Variants in ZSWIM6 observed in about 807,000 individuals in gnomAD.
ZSWIM6 encodes zinc finger SWIM domain-containing protein 6.
Under a neutral mutation model 113.2 loss-of-function variants are expected in ZSWIM6, and 9 were observed. The ratio of observed to expected loss-of-function variants is 0.08; its 90% CI spans 0.05 to 0.14. The LOEUF (loss-of-function observed/expected upper bound fraction) is 0.14. ZSWIM6 is among the 10% of genes least tolerant of loss of function. The pLI, the probability that ZSWIM6 is intolerant of heterozygous loss-of-function variation, is 1.00. For synonymous variants in ZSWIM6, 611 were observed against 606.5 expected (o/e 1.01, Z -0.11); for missense variants, 1,162 against 1,552.2 (o/e 0.75, Z 4.22).
At chr5:61,500,568 C>T (rs1748438766) in intron 4 of ZSWIM6, among the ~76,000 whole-genome samples, 1 of 152,124 alleles carries the variant, frequency 6.6e-6, no homozygotes, top group African/African-American at 2.4e-5. Flanking sequence ...CATGGTACCA[C>T]AATCCTGACT....
rs1745686712 is a variant in ZSWIM6 at position 61,390,600 on chromosome 5, T to C, written c.676+57652T>C. The C allele has an allele frequency of 7.7e-6, 5 of 653,346 alleles. No homozygotes were observed. In the East Asian group the frequency reaches 1.2e-4, roughly 16 times the overall value. The allele number at this position is 653,346 out of a possible 1,614,324, so 40.5% of individuals were successfully genotyped here. On this transcript the variant is annotated intron_variant, in intron 1 of 13. Coordinates refer to ENST00000252744, the MANE Select transcript of ZSWIM6 (RefSeq NM_020928.2). Reference sequence around the variant, plus strand: ...CATTGTCAGAATGCTATCTCAAAAATGGTATTTTTTTTTTCCAGTGGAAAA... The same window carrying C: ...CATTGTCAGAATGCTATCTCAAAAACGGTATTTTTTTTTTCCAGTGGAAAA...
chr5:61,507,988 T>C (rs550769826), intron 4 of ZSWIM6, among the ~76,000 whole-genome samples: 6 of 152,276 alleles, frequency 3.9e-5, no homozygotes, highest in Admixed American at 3.9e-4. Flanking sequence ...TTTAAGAATA[T>C]TGGTTTTAGG....
chr5:61,450,711 A>C (rs1042403773), intron 1 of ZSWIM6, among the ~76,000 whole-genome samples: 2 of 152,172 alleles, frequency 1.3e-5, no homozygotes, highest in Non-Finnish European at 2.9e-5. Context: ...CAAATTTGTG[A>C]GTAGTATACA....
At chr5:61,378,591 T>C (rs553756743) in intron 1 of ZSWIM6, among the ~76,000 whole-genome samples, 1 of 152,132 alleles carries the variant, frequency 6.6e-6, no homozygotes, top group African/African-American at 2.4e-5. Flanking sequence ...GTTTTGCTCT[T>C]GTTGCCCAGC....
intron 1 of ZSWIM6, among the ~76,000 whole-genome samples, chr5:61,397,846 A>G (rs1171458769): frequency 2.6e-5 from 4 of 152,144 alleles, no homozygotes; most frequent in Admixed American, 2.0e-4. Flanking sequence ...AGGGAACAGA[A>G]AAGGAGTTTG....
At chr5:61,529,337 A>G (rs1295189126) in intron 7 of ZSWIM6, among the ~76,000 whole-genome samples, 1 of 152,264 alleles carries the variant, frequency 6.6e-6, no homozygotes, top group African/African-American at 2.4e-5. Context: ...CTGCGGTTTA[A>G]CTTGAAAGCA....
At chr5:61,476,610 G>A (rs1747712246) in intron 2 of ZSWIM6, among the ~76,000 whole-genome samples, 1 of 152,114 alleles carries the variant, frequency 6.6e-6, no homozygotes, top group Admixed American at 6.5e-5. Context: ...AAAATTGTTT[G>A]CTCTTGGTTT....
intron 4 of ZSWIM6, among the ~76,000 whole-genome samples, chr5:61,511,500 G>A (rs1012748760): frequency 3.3e-5 from 5 of 152,108 alleles, no homozygotes; most frequent in Non-Finnish European, 5.9e-5. Context: ...TAACCCCAAG[G>A]TGATGGCATT....
intron 3 of ZSWIM6, among the ~76,000 whole-genome samples, chr5:61,491,946 C>T (rs796776016): frequency 3.7e-4 from 56 of 151,986 alleles, no homozygotes; most frequent in African/African-American, 1.2e-3. Context: ...CAAATTTCCC[C>T]AGAATTAGAT....
chr5:61,444,520 C>T (rs1242600856), intron 1 of ZSWIM6, among the ~76,000 whole-genome samples: 2 of 152,066 alleles, frequency 1.3e-5, no homozygotes, highest in African/African-American at 4.8e-5. Flanking sequence ...GAGAAATCGC[C>T]ACACTGACTT....
At position 61,544,351 on chromosome 5, in the gene ZSWIM6, T is replaced by TG; in HGVS notation, c.*37dup. On this transcript the variant is annotated 3_prime_UTR_variant, in exon 14 of 14. Coordinates refer to ENST00000252744, the MANE Select transcript of ZSWIM6 (RefSeq NM_020928.2). The stretch of plus-strand genomic sequence containing the variant: ...GTATGAATGGGGTGGGGGGTGGGGA[T>TG]GGGAGGGATGGTTTGTTTTTACTTG... 1 of 340,048 alleles carries TG rather than the reference T, an allele frequency of 2.9e-6. No individual in the cohort carries two copies. The highest frequency in any genetic ancestry group is 6.0e-6 in the Non-Finnish European group (1 of 166,946). 21.1% of individuals were successfully genotyped at this position (340,048 alleles called of 1,614,324 possible).
At chr5:61,355,504 A>G (rs1458928441) in intron 1 of ZSWIM6, among the ~76,000 whole-genome samples, 1 of 150,372 alleles carries the variant, frequency 6.7e-6, no homozygotes, top group Non-Finnish European at 1.5e-5. Context: ...ACACTATTAG[A>G]TGGCAGGAGC....
chr5:61,341,159 A>T (rs1744536938), intron 1 of ZSWIM6, among the ~76,000 whole-genome samples: 1 of 152,098 alleles, frequency 6.6e-6, no homozygotes, highest in South Asian at 2.1e-4. Context: ...CATCCCAAAG[A>T]TGTGCACCTT....
intron 1 of ZSWIM6, among the ~76,000 whole-genome samples, chr5:61,446,877 A>G (rs778760513): frequency 6.6e-6 from 1 of 152,158 alleles, no homozygotes; most frequent in Non-Finnish European, 1.5e-5. Flanking sequence ...AAGATCCAAT[A>G]GCTTTTACTT....
At chr5:61,474,974 G>A (rs1004087886) in intron 2 of ZSWIM6, among the ~76,000 whole-genome samples, 3 of 152,090 alleles carry the variant, frequency 2.0e-5, no homozygotes, top group South Asian at 2.1e-4. Flanking sequence ...TGTAAACAAC[G>A]CTGCCACAGA....
At chr5:61,438,967 A>G (rs1324480540) in intron 1 of ZSWIM6, among the ~76,000 whole-genome samples, 2 of 152,188 alleles carry the variant, frequency 1.3e-5, no homozygotes, top group African/African-American at 2.4e-5. Flanking sequence ...ATACAGTTAG[A>G]CAGCCAGGAG....
chr5:61,394,288 T>C (rs1745793114), intron 1 of ZSWIM6, among the ~76,000 whole-genome samples: 1 of 152,168 alleles, frequency 6.6e-6, no homozygotes, highest in African/African-American at 2.4e-5. Flanking sequence ...GAGTGCTCCT[T>C]TTTGGGAGAG....
chr5:61,453,080 T>C (rs1351978601), intron 1 of ZSWIM6, among the ~76,000 whole-genome samples: 1 of 152,236 alleles, frequency 6.6e-6, no homozygotes, highest in Non-Finnish European at 1.5e-5. Flanking sequence ...GATAGCAACA[T>C]GATATATTAT....
In ZSWIM6 at chr5:61,332,776, G is replaced by GCCGCCGCC. The variant is rs1561194266; in HGVS notation, c.504_505insCCGCCGCC (p.Ala169ProfsTer54). ...CCGCAACCTCGGCGGCCGCAACCTC[G>GCCGCCGCC]GCCGCCGCCGCCGCTGCCGCCGCCG... On this transcript the variant is annotated frameshift_variant, in exon 1 of 14. Coordinates refer to ENST00000252744, the MANE Select transcript of ZSWIM6 (RefSeq NM_020928.2). LOFTEE classifies it high-confidence loss of function. The GCCGCCGCC allele has an allele frequency of 3.0e-6, 1 of 334,914 alleles. No homozygotes were observed. The highest frequency in any genetic ancestry group is 3.7e-6 in the Non-Finnish European group (1 of 268,336). 20.7% of individuals were successfully genotyped at this position (334,914 alleles called of 1,614,324 possible).
Sources: allele counts gnomAD v4.1 joint callset (sites outside exome capture counted in the v4.1 genomes callset), GRCh38; gene constraint gnomAD v4.1.1; transcripts MANE v1.5; gene names NCBI Gene and HGNC (gene_info 2026-07-23, HGNC 2026-07-21).